RGS12: variants seen among roughly 807,000 people sequenced by gnomAD.
RGS12 encodes the protein regulator of G-protein signaling 12.
Under a neutral mutation model 120.1 loss-of-function variants are expected in RGS12, and 66 were observed. The observed-to-expected ratio is 0.55, with a 90% CI of 0.45 to 0.67. The LOEUF is 0.67. Among genes scored for constraint, RGS12 ranks in the 30% least tolerant of loss-of-function variants. The pLI is 0.00. For synonymous variants in RGS12, 827 were observed against 804.7 expected (o/e 1.03, Z -0.47); for missense variants, 1,859 against 1,957.7 (o/e 0.95, Z 0.95).
At chr4:3,302,214 A>G (rs1723722351) in intron 1 of RGS12, among the ~76,000 whole-genome samples, 1 of 152,156 alleles carries the variant, frequency 6.6e-6, no homozygotes, top group Non-Finnish European at 1.5e-5. Context: ...GCACGGGGGT[A>G]TCCTGGAGGG....
At chr4:3,356,424 C>T (rs1432990332) in intron 3 of RGS12, among the ~76,000 whole-genome samples, 1 of 152,048 alleles carries the variant, frequency 6.6e-6, no homozygotes, top group Non-Finnish European at 1.5e-5. Context: ...TTTCAATATG[C>T]AGTTCAGTGT....
intron 3 of RGS12, among the ~76,000 whole-genome samples, chr4:3,382,506 T>A (rs913861810): frequency 2.0e-5 from 3 of 152,204 alleles, no homozygotes; most frequent in African/African-American, 7.2e-5. Flanking sequence ...GAGATCAACA[T>A]CATGGGATCC....
At chr4:3,437,921 T>G (rs1034745135) in intron 17 of RGS12, among the ~76,000 whole-genome samples, 10 of 152,124 alleles carry the variant, frequency 6.6e-5, no homozygotes, top group African/African-American at 2.2e-4. Flanking sequence ...GGAGGCTGCT[T>G]CCGGAAGCTT....
intron 1 of RGS12, among the ~76,000 whole-genome samples, chr4:3,302,059 A>T (rs1013265542): frequency 6.6e-6 from 1 of 152,134 alleles, no homozygotes; most frequent in Non-Finnish European, 1.5e-5. Context: ...TAAAAACCAC[A>T]AACAGAAGTA....
At chr4:3,364,793 T>C (rs902427642) in intron 3 of RGS12, among the ~76,000 whole-genome samples, 3 of 151,892 alleles carry the variant, frequency 2.0e-5, no homozygotes, top group Non-Finnish European at 4.4e-5. Flanking sequence ...CTTGGAGAAT[T>C]TGGGGGCCTT....
chr4:3,428,202 G>C, intron 15 of RGS12, 33 bp downstream of exon 15: 1 of 1,582,740 alleles, frequency 6.3e-7, no homozygotes, highest in Non-Finnish European at 8.7e-7. Context: ...CCTGTGCCCT[G>C]CTCCTCTCGC....
intron 15 of RGS12, 84 bp from the exon 16 acceptor site, chr4:3,428,474 A>G: frequency 1.7e-5 from 20 of 1,198,096 alleles, no homozygotes; most frequent in Non-Finnish European, 2.3e-5. Flanking sequence ...TCTATTTCAT[A>G]GAGCCTTCTA....
At chr4:3,318,189 G>A (rs900393846) in intron 2 of RGS12, 138 bp downstream of exon 2, 8 of 745,554 alleles carry the variant, frequency 1.1e-5, no homozygotes, top group Non-Finnish European at 1.8e-5. Flanking sequence ...CCATCACAGG[G>A]TGTCTGCGTT....
chr4:3,360,988 G>A lies in RGS12; in HGVS notation c.1998+17935G>A, dbSNP rs141181877. On this transcript the variant is annotated intron_variant, in intron 3 of 17. Coordinates refer to ENST00000336727, the MANE Select transcript of RGS12 (RefSeq NM_001394154.1). ...AGAGCATGTGCAAGAATTCAAAATA[G>A]CAGTATTCATAAGATCCCTACACGG... Among the ~76,000 whole-genome samples, 113 of 152,294 alleles carry A rather than the reference G, an allele frequency of 7.4e-4. 1 individual carries two copies. Among genetic ancestry groups the A allele is most frequent in the African/African-American group, 2.3e-3 (96 of 41,568 alleles).
chr4:3,404,748 G>A (rs1720937670), intron 4 of RGS12, among the ~76,000 whole-genome samples: 2 of 152,344 alleles, frequency 1.3e-5, no homozygotes, highest in South Asian at 4.1e-4. Flanking sequence ...CACCAGGGTG[G>A]GGCTGGAGGC....
chr4:3,423,244 G>C (rs1284074881), intron 12 of RGS12, among the ~76,000 whole-genome samples: 1 of 152,216 alleles, frequency 6.6e-6, no homozygotes, highest in African/African-American at 2.4e-5. Flanking sequence ...CGAGAGGGAG[G>C]GGCAGGAGTG....
At chr4:3,292,918 C>A (rs1341171059), upstream of RGS12, 6 of 149,708 alleles carry the variant, frequency 4.0e-5, no homozygotes, top group Non-Finnish European at 7.5e-5. Flanking sequence ...CCCGCCCCAA[C>A]CCCACCCCCT....
At chr4:3,387,831 T>TA in intron 4 of RGS12, among the ~76,000 whole-genome samples, 1 of 152,260 alleles carries the variant, frequency 6.6e-6, no homozygotes. Flanking sequence ...ATTTGCCTAA[T>TA]ATGTTTAGTT....
intron 1 of RGS12, among the ~76,000 whole-genome samples, chr4:3,311,287 G>A (rs186739249): frequency 2.6e-5 from 4 of 152,328 alleles, no homozygotes; most frequent in Admixed American, 2.0e-4. Context: ...CGTAGCTCAG[G>A]CCTAGGACCC....
At chr4:3,420,770 C>A (rs1344233911) in intron 10 of RGS12, 52 bp downstream of exon 10, 2 of 1,421,190 alleles carry the variant, frequency 1.4e-6, no homozygotes, top group Admixed American at 1.8e-5. Context: ...TCCCCACCAG[C>A]TGACTGATGA....
chr4:3,355,794 C>CAAAAAAAAAA (rs372490658), intron 3 of RGS12, among the ~76,000 whole-genome samples: 2 of 58,084 alleles, frequency 3.4e-5, no homozygotes, highest in African/African-American at 1.2e-4. Flanking sequence ...GACCTTGTCT[C>CAAAAAAAAAA]AAAAAAAAAA....
intron 4 of RGS12, chr4:3,413,231 G>C (rs987492297): frequency 3.9e-5 from 6 of 152,240 alleles, no homozygotes; most frequent in African/African-American, 1.2e-4. Flanking sequence ...CAGTGGACAA[G>C]GGTGATGAAC....
chr4:3,422,759 G>A, intron 11 of RGS12, 146 bp from the exon 12 acceptor site: 1 of 962,482 alleles, frequency 1.0e-6, no homozygotes, highest in Non-Finnish European at 1.6e-6. Context: ...TGCTGGGTTG[G>A]TGTGGAAAGG....
At chr4:3,406,230 C>T (rs1052167707) in intron 4 of RGS12, among the ~76,000 whole-genome samples, 4 of 152,230 alleles carry the variant, frequency 2.6e-5, no homozygotes, top group African/African-American at 4.8e-5. Flanking sequence ...GAGCCTGCAC[C>T]CACGCCTCCT....
Sources: allele counts gnomAD v4.1 joint callset (sites outside exome capture counted in the v4.1 genomes callset), GRCh38; gene constraint gnomAD v4.1.1; transcripts MANE v1.5; gene names NCBI Gene and HGNC (gene_info 2026-07-23, HGNC 2026-07-21).